The following MYO18A variants were observed in gnomAD, a reference collection of about 807,000 sequenced individuals.
The protein encoded by MYO18A is myosin XVIIIA, also known as unconventional myosin-XVIIIa.
MYO18A carries 78 observed loss-of-function variants against 235.8 expected under a neutral mutation model. The ratio of observed to expected loss-of-function variants is 0.33; its 90% confidence interval spans 0.28 to 0.40. The LOEUF is 0.40. Ranked by LOEUF, MYO18A falls within the 10% of genes least tolerant of loss-of-function variation. MYO18A has a pLI of 1.00. For missense variants in MYO18A, 2,215 were observed against 2,699.3 expected (o/e 0.82, Z 3.98); for synonymous variants, 977 against 1,077.8 (o/e 0.91, Z 1.83).
chr17:29,074,880 GA>G lies in MYO18A; in HGVS notation c.6054del (p.Arg2019GlyfsTer22). On this transcript the variant is annotated frameshift_variant, in exon 42 of 42. Transcript: ENST00000527372. LOFTEE classifies it high-confidence loss of function. The surrounding 1 kb of genome is among the most constrained non-coding windows in gnomAD (Gnocchi z 4.4). ...AGAGGGTCGTGCTCATCATCTGACCGATCAGGGGCAAGGGACTTCCAGTAGC... is the reference window on the plus strand; with the variant it reads ...AGAGGGTCGTGCTCATCATCTGACCGTCAGGGGCAAGGGACTTCCAGTAGC... ...PTSYWKSLAP[D>X]RSDDEHDPLD... The G allele has an allele frequency of 6.2e-7, 1 of 1,613,912 alleles. No individual in the cohort carries two copies. Among genetic ancestry groups the G allele is most frequent in the Non-Finnish European group, 8.5e-7 (1 of 1,179,860 alleles).
chr17:29,093,539 A>C, intron 31 of MYO18A, 112 bp from the exon 32 acceptor site: 2 of 778,676 alleles, frequency 2.6e-6, no homozygotes, highest in Non-Finnish European at 4.3e-6. Flanking sequence ...AGGCCTGAGC[A>C]CAATGATGTT....
intron 1 of MYO18A, among the ~76,000 whole-genome samples, chr17:29,167,625 G>A (rs554000387): frequency 6.6e-6 from 1 of 151,886 alleles, no homozygotes; most frequent in East Asian, 1.9e-4. Context: ...AGGATTGCTT[G>A]AGCCCAGGAG....
chr17:29,091,083 T>C, intron 34 of MYO18A, 157 bp from the exon 35 acceptor site: 1 of 621,462 alleles, frequency 1.6e-6, no homozygotes, highest in Non-Finnish European at 2.8e-6. Flanking sequence ...AGGAGCTGCC[T>C]GTCCCGCTCT....
chr17:29,130,490 A>T (rs1314115432), intron 2 of MYO18A, among the ~76,000 whole-genome samples: 3,102 of 77,008 alleles, frequency 0.04, 56 homozygotes, highest in East Asian at 0.11. Context: ...ACACACACAC[A>T]CACACACACA....
chr17:29,133,980 G>A, intron 2 of MYO18A: 1 of 599,580 alleles, frequency 1.7e-6, no homozygotes, highest in Non-Finnish European at 2.5e-6. Context: ...AGTGGAGGAG[G>A]AAGGATTACA....
Position 29,096,846 on chromosome 17 carries a change from G to T in MYO18A, c.4300C>A (p.Arg1434=), listed in dbSNP as rs767137788. 3.1e-6 allele frequency: 5 copies of T among 1,591,752 alleles called. No homozygotes were observed. The highest frequency in any genetic ancestry group is 4.3e-6 in the Non-Finnish European group (5 of 1,169,672). ...GTGTCTTGCAGCTCAGCCGTCAGTC[G>T]CTGGCACTTCTTCTTGAGCTGCTGC... ...ALQQLKKKCQ[R]LTAELQDTKL... The change falls in exon 28 of 42, where the codon CGA becomes AGA. Residue 1434 remains arginine, a synonymous_variant. Coordinates refer to ENST00000527372, the MANE Select transcript of MYO18A (RefSeq NM_078471.4).
At chr17:29,112,891 C>T (rs184819598) in intron 15 of MYO18A, among the ~76,000 whole-genome samples, 30 of 152,330 alleles carry the variant, frequency 2.0e-4, no homozygotes, top group Non-Finnish European at 3.1e-4. Context: ...TGGCAGGAAC[C>T]GAGTAGCAGG....
At position 29,073,833 on chromosome 17, in the gene MYO18A, T is replaced by G; in HGVS notation, c.*937A>C. 6.4e-7 allele frequency: 1 copy of G among 1,566,314 alleles called. No homozygotes were observed. The highest frequency in any genetic ancestry group is 8.7e-7 in the Non-Finnish European group (1 of 1,149,328). ...CACCGGCCAAAACTTCCATCTTCAG[T>G]TTTTCTGATCACAAGTCCTCAACCC... On this transcript the variant is annotated 3_prime_UTR_variant, in exon 42 of 42. Coordinates refer to ENST00000527372, the MANE Select transcript of MYO18A (RefSeq NM_078471.4).
At chr17:29,116,912 G>A (rs1026879908) in intron 10 of MYO18A, among the ~76,000 whole-genome samples, 8 of 151,834 alleles carry the variant, frequency 5.3e-5, no homozygotes, top group Non-Finnish European at 8.8e-5. Flanking sequence ...ACAGCCACAC[G>A]CCTGCCCGCC....
At chr17:29,083,525 C>CGT in intron 40 of MYO18A, among the ~76,000 whole-genome samples, 1 of 72,094 alleles carries the variant, frequency 1.4e-5, no homozygotes, top group Non-Finnish European at 2.7e-5. Context: ...CATGTGTGCG[C>CGT]GCGCGCGCAC....
At chr17:29,160,681 T>A (rs1242469352) in intron 2 of MYO18A, among the ~76,000 whole-genome samples, 1 of 152,200 alleles carries the variant, frequency 6.6e-6, no homozygotes, top group African/African-American at 2.4e-5. Context: ...CTTTCCACTG[T>A]AACATGTCCT....
rs1288996993 is a variant in MYO18A at position 29,126,021 on chromosome 17, G to A, written c.1000-3768C>T. ...CCCAGAAATGGAGAGGCCACAGCAT[G>A]CGGAGCTCCCAGCCCAGGAAGCCAC... On this transcript the variant is annotated intron_variant, in intron 2 of 41. Coordinates refer to ENST00000527372, the MANE Select transcript of MYO18A (RefSeq NM_078471.4). The surrounding 1 kb of genome is among the most constrained non-coding windows in gnomAD (Gnocchi z 4.1). 1.0e-6 allele frequency: 1 copy of A among 954,512 alleles called. No individual in the cohort carries two copies. The highest frequency in any genetic ancestry group is 1.2e-6 in the Non-Finnish European group (1 of 801,228). The allele number at this position is 954,512 out of a possible 1,614,324, so 59.1% of individuals were successfully genotyped here.
chr17:29,143,848 A>C (rs1450043983), intron 2 of MYO18A, among the ~76,000 whole-genome samples: 1 of 152,026 alleles, frequency 6.6e-6, no homozygotes, highest in Non-Finnish European at 1.5e-5. Flanking sequence ...ATGACTCCTG[A>C]CTTCCTGGCC....
At chr17:29,156,609 G>C (rs1246088744) in intron 2 of MYO18A, among the ~76,000 whole-genome samples, 1 of 152,254 alleles carries the variant, frequency 6.6e-6, no homozygotes, top group Non-Finnish European at 1.5e-5. Flanking sequence ...AGACCGAACA[G>C]AGAGAATGAG....
chr17:29,081,524 T>C (rs750725676), intron 41 of MYO18A, among the ~76,000 whole-genome samples: 8 of 151,800 alleles, frequency 5.3e-5, no homozygotes, highest in Non-Finnish European at 1.0e-4. Context: ...CTACCCAGTC[T>C]ACCTGCTGTC....
Position 29,117,613 on chromosome 17 carries a change from C to A in MYO18A, c.2038+432G>T, listed in dbSNP as rs565796996. 1.3e-4 allele frequency among the ~76,000 whole-genome samples: 20 copies of A among 152,310 alleles called. No individual in the cohort carries two copies. The highest frequency in any genetic ancestry group is 4.8e-4 in the African/African-American group (20 of 41,550). On this transcript the variant is annotated intron_variant, in intron 10 of 41. Coordinates refer to ENST00000527372, the MANE Select transcript of MYO18A (RefSeq NM_078471.4). The surrounding 1 kb of genome is among the most constrained non-coding windows in gnomAD (Gnocchi z 4.6). ...TCTGCAGCAACAGAACAAGCCCAGC[C>A]CCTAGAAAGTCCTGGGCAAGCACCA...
chr17:29,164,854 T>C (rs929218017), intron 2 of MYO18A, among the ~76,000 whole-genome samples: 5 of 152,012 alleles, frequency 3.3e-5, no homozygotes, highest in Non-Finnish European at 5.9e-5. Context: ...GCTGCTCTTT[T>C]TGCGCGGGCA....
chr17:29,080,018 A>G (rs563869192), intron 41 of MYO18A: 60 of 985,936 alleles, frequency 6.1e-5, no homozygotes, highest in Non-Finnish European at 7.0e-5. Context: ...GAAGCTTCGG[A>G]GCCGGAGCTG....
intron 2 of MYO18A, among the ~76,000 whole-genome samples, chr17:29,130,954 C>T (rs1224397138): frequency 1.8e-4 from 27 of 152,158 alleles, no homozygotes; most frequent in Admixed American, 1.6e-3. Flanking sequence ...CCTTGTGCCA[C>T]CCAGAGCAGG....
Sources: gnomAD v4.1 joint callset for allele counts (sites outside exome capture counted in the v4.1 genomes callset) on GRCh38, gnomAD v4.1.1 for gene constraint, Gnocchi (gnomAD v3.1) non-coding constraint, MANE v1.5 for transcripts, NCBI Gene and HGNC (gene_info 2026-07-23, HGNC 2026-07-21) for gene names.